NOL6: variants seen among roughly 807,000 people sequenced by gnomAD.
The protein encoded by NOL6 is nucleolar protein 6.
Under a neutral mutation model 131.7 loss-of-function variants are expected in NOL6, and 33 were observed. The observed-to-expected ratio is 0.25, with a 90% CI of 0.19 to 0.33. The LOEUF is 0.33. Ranked by LOEUF, NOL6 falls within the 10% of genes least tolerant of loss-of-function variation. The pLI, the probability that NOL6 is intolerant of heterozygous loss-of-function variation, is 1.00. For missense variants in NOL6, 1,297 were observed against 1,494.5 expected, an observed-to-expected ratio of 0.87 and a Z score of 2.18; for synonymous variants, 580 against 605.7, an observed-to-expected ratio of 0.96 and a Z score of 0.62.
chr9:33,473,807 T>C lies in NOL6; in HGVS notation c.36A>G (p.Gly12=), dbSNP rs765477749. 7 of 1,611,748 alleles carry C rather than the reference T, an allele frequency of 4.3e-6. No homozygotes were observed. The highest frequency in any genetic ancestry group is 5.9e-6 in the Non-Finnish European group (7 of 1,180,026). ...GPAPAGEQLR[G]ATGEPEVMEP... ...AACCCACCTCTGGCTCTCCAGTCGC[T>C]CCGCGAAGCTGCTCTCCAGCTGGCG... The change falls in exon 1 of 26, where the codon GGA becomes GGG. Residue 12 remains glycine (G), a synonymous_variant. Transcript: ENST00000297990.
rs928504077 is a variant in NOL6, at chr9:33,462,021, C to A, written c.*643G>T. 2 of 660,976 alleles carry A rather than the reference C, an allele frequency of 3.0e-6. No homozygotes were observed. Among genetic ancestry groups the A allele is most frequent in the Admixed American group, 4.2e-5 (2 of 47,368 alleles). The allele number at this position is 660,976 out of a possible 1,614,324, so 40.9% of individuals were successfully genotyped here. On this transcript the variant is annotated 3_prime_UTR_variant, in exon 26 of 26. Coordinates refer to ENST00000297990, the MANE Select transcript of NOL6 (RefSeq NM_022917.5). ...CTCCAAGATTGGGTGACTACCAGTC[C>A]CCTGACCCCTTCACCTACCCAATCC...
chr9:33,468,479 G>C, intron 9 of NOL6, 29 bp downstream of exon 9: 1 of 1,613,764 alleles, frequency 6.2e-7, no homozygotes, highest in Non-Finnish European at 8.5e-7. Flanking sequence ...CAGGCCTCCT[G>C]GCATAGACCT....
chr9:33,472,132 G>C lies in NOL6; in HGVS notation c.262-12C>G. On this transcript the variant is annotated splice_polypyrimidine_tract_variant and intron_variant, in intron 2 of 25. Coordinates refer to ENST00000297990, the MANE Select transcript of NOL6 (RefSeq NM_022917.5). ...AGTAGCTCCTCTACCTGTAAGAGAG[G>C]GTAGAAGACAGTCCATCAGCCTCAG... The C allele has an allele frequency of 1.2e-6, 2 of 1,613,608 alleles. No homozygotes were observed. Among genetic ancestry groups the C allele is most frequent in the South Asian group, 1.1e-5 (1 of 91,062 alleles).
chr9:33,465,426 C>G (rs745823801), intron 19 of NOL6, 67 bp from the exon 20 acceptor site: 52 of 1,494,012 alleles, frequency 3.5e-5, no homozygotes, highest in Non-Finnish European at 4.4e-5. Flanking sequence ...CAGCCCCTAC[C>G]CAAGGCCAGC....
rs200008488 is a variant in NOL6, at chr9:33,466,716, G to A, written c.1951-7C>T. 2.9e-4 allele frequency: 464 copies of A among 1,613,324 alleles called. No individual in the cohort carries two copies. The highest frequency in any genetic ancestry group is 3.8e-4 in the Non-Finnish European group (450 of 1,179,914). ...CCTCACCTGTGCTGGAGGTCTGAGA[G>A]GGAGAAGACGGTCAGGAGGCTGGAC... On this transcript the variant is annotated splice_region_variant and splice_polypyrimidine_tract_variant and intron_variant, in intron 15 of 25. Coordinates refer to ENST00000297990, the MANE Select transcript of NOL6 (RefSeq NM_022917.5).
At chr9:33,473,696 T>C in intron 1 of NOL6, 93 bp downstream of exon 1, 5 of 1,475,032 alleles carry the variant, frequency 3.4e-6, no homozygotes, top group Non-Finnish European at 4.7e-6. Context: ...CGGCATGGCT[T>C]TCACCCGCAA....
chr9:33,464,656 C>T (rs1193720079), intron 21 of NOL6, among the ~76,000 whole-genome samples: 1 of 152,176 alleles, frequency 6.6e-6, no homozygotes, highest in African/African-American at 2.4e-5. Flanking sequence ...CCACAGCCCC[C>T]CGCCAGGTAG....
At position 33,468,404 on chromosome 9, in the gene NOL6, G is replaced by A; in HGVS notation, c.1225C>T (p.His409Tyr). 1.2e-6 allele frequency: 2 copies of A among 1,614,134 alleles called. No individual in the cohort carries two copies. Among genetic ancestry groups the A allele is most frequent in the Non-Finnish European group, 1.7e-6 (2 of 1,179,990 alleles). Residue 409 changes from histidine (H) to tyrosine (Y), a missense_variant, in exon 10 of 26, where the codon CAC becomes TAC. His to Tyr is a moderately conservative substitution (Grantham distance 83). Coordinates refer to ENST00000297990, the MANE Select transcript of NOL6 (RefSeq NM_022917.5). ...DPSLPALADF[H>Y]QAFSVVFLDS... The stretch of plus-strand genomic sequence containing the variant: ...AGGAAGACAACGGAGAAGGCCTGGT[G>A]GAAGTCAGCCAGGGCCGGCTTGGGG...
At chr9:33,466,488 G>A in intron 16 of NOL6, 63 bp from the exon 17 acceptor site, 2 of 1,612,070 alleles carry the variant, frequency 1.2e-6, no homozygotes, top group Non-Finnish European at 1.7e-6. Flanking sequence ...AGAGTCAGGA[G>A]TTGGAAGTGG....
At position 33,469,196 on chromosome 9, in the gene NOL6, G is replaced by A. The variant is rs1426382427; in HGVS notation, c.862+11C>T. ...CCCTCCAGCTCCACCTCAACACCAG[G>A]GCCTGCTCACCATCCCCTGCAGGAC... On this transcript the variant is annotated intron_variant, in intron 6 of 25. Coordinates refer to ENST00000297990, the MANE Select transcript of NOL6 (RefSeq NM_022917.5). 6.2e-7 allele frequency: 1 copy of A among 1,614,116 alleles called. No individual in the cohort carries two copies. Among genetic ancestry groups the A allele is most frequent in the East Asian group, 2.2e-5 (1 of 44,882 alleles).
chr9:33,470,451 G>C, intron 3 of NOL6: 1 of 232,894 alleles, frequency 4.3e-6, no homozygotes. Flanking sequence ...CCAGCACTTT[G>C]GGAGGCCGAG....
At chr9:33,463,191 G>A in intron 24 of NOL6, 56 bp downstream of exon 24, 1 of 1,609,068 alleles carries the variant, frequency 6.2e-7, no homozygotes, top group Non-Finnish European at 8.5e-7. Flanking sequence ...CTCCTCCACA[G>A]CCTCAGCTTC....
At position 33,462,826 on chromosome 9, in the gene NOL6, G is replaced by A; in HGVS notation, c.3292-13C>T. ...TTGTGCTGGAGGCCTGGGGAAATCA[G>A]AGAAGAGATGTGGGTTGAGTGTCAC... is the stretch of plus-strand genomic sequence containing the variant. On this transcript the variant is annotated splice_polypyrimidine_tract_variant and intron_variant, in intron 25 of 25. Transcript: ENST00000297990. The A allele has an allele frequency of 9.9e-6, 16 of 1,613,836 alleles. No homozygotes were observed. Among genetic ancestry groups the A allele is most frequent in the Non-Finnish European group, 1.4e-5 (16 of 1,179,890 alleles).
At position 33,467,571 on chromosome 9, in the gene NOL6, A is replaced by G; in HGVS notation, c.1603-55T>C. 1 of 1,603,074 alleles carries G rather than the reference A, an allele frequency of 6.2e-7. No homozygotes were observed. ...CCTCCAATCCTCCAGCCTGGCCTAG[A>G]AACCTACTTTCTAGCTAGCTAGAAA... is the stretch of plus-strand genomic sequence containing the variant. On this transcript the variant is annotated intron_variant, in intron 12 of 25. Transcript: ENST00000297990. This position sits in a 1 kb window ranked among gnomAD's most constrained non-coding sequence, Gnocchi z 4.4.
Position 33,465,213 on chromosome 9 carries a change from G to A in NOL6, c.2675C>T (p.Pro892Leu). The A allele has an allele frequency of 1.3e-6, 2 of 1,592,976 alleles. No individual in the cohort carries two copies. The highest frequency in any genetic ancestry group is 1.3e-5 in the African/African-American group (1 of 74,666). The change falls in exon 20 of 26, where the codon CCT (proline) becomes CTT (leucine). Residue 892 changes from proline to leucine, a missense_variant. Physicochemically the swap from Pro to Leu is moderately conservative, Grantham distance 98. Coordinates refer to ENST00000297990, the MANE Select transcript of NOL6 (RefSeq NM_022917.5). ...AAAAAGTGGAGGGAATCACCTCGGA[G>A]GGGTGAAGGGCTCAGGGTGCAGGAA... The part of the protein sequence containing the change: ...ALFLHPEPFT[P>L]PSSPQVGFLR...
At chr9:33,466,805 C>A in intron 15 of NOL6, 96 bp from the exon 16 acceptor site, 2 of 1,573,902 alleles carry the variant, frequency 1.3e-6, no homozygotes, top group Admixed American at 3.4e-5. Context: ...GCCAGCACCG[C>A]CGCCTGCTGG....
chr9:33,472,144 T>C, intron 2 of NOL6, 24 bp from the exon 3 acceptor site: 75 of 1,613,028 alleles, frequency 4.6e-5, no homozygotes, highest in Non-Finnish European at 6.4e-5. Flanking sequence ...TAGAAGACAG[T>C]CCATCAGCCT....
Position 33,467,663 on chromosome 9 carries a change from C to A in NOL6, c.1602+28G>T. ...ACCCTGGATCCAGCCCAACTCAGAC[C>A]CAAACTCCCCAACCTACACCACCTC... On this transcript the variant is annotated intron_variant, in intron 12 of 25. Coordinates refer to ENST00000297990, the MANE Select transcript of NOL6 (RefSeq NM_022917.5). This position sits in a 1 kb window ranked among gnomAD's most constrained non-coding sequence, Gnocchi z 4.4. 6.5e-7 allele frequency: 1 copy of A among 1,544,658 alleles called. No homozygotes were observed.
chr9:33,464,857 TGA>T lies in NOL6; in HGVS notation c.2779+20_2779+21del. 1 of 1,554,194 alleles carries T rather than the reference TGA, an allele frequency of 6.4e-7. No individual in the cohort carries two copies. The highest frequency in any genetic ancestry group is 8.9e-7 in the Non-Finnish European group (1 of 1,126,306). ...ATAAAGAGCTGTTCTTCCAGCAGTC[TGA>T]CCCCTGTTCTACCACTTACCAGTGA... On this transcript the variant is annotated intron_variant, in intron 21 of 25. Transcript: ENST00000297990.
Sources: allele counts gnomAD v4.1 joint callset (sites outside exome capture counted in the v4.1 genomes callset), GRCh38; gene constraint gnomAD v4.1.1; non-coding constraint Gnocchi (gnomAD v3.1); transcripts MANE v1.5; gene names NCBI Gene and HGNC (gene_info 2026-07-23, HGNC 2026-07-21).